The following HECW1 variants were observed in gnomAD, a reference collection of about 807,000 sequenced individuals.
The protein encoded by HECW1 is E3 ubiquitin-protein ligase HECW1.
A neutral mutation model predicts 182.3 loss-of-function variants in HECW1; 61 were observed. The observed-to-expected ratio is 0.33, with a 90% confidence interval of 0.27 to 0.41. The LOEUF (loss-of-function observed/expected upper bound fraction) is 0.41, where lower values mean the gene tolerates loss of function less well. HECW1 is among the 10% of genes least tolerant of loss of function. HECW1 has a pLI of 1.00. For synonymous variants in HECW1, 859 were observed against 832.6 expected, an observed-to-expected ratio of 1.03 and a Z score of -0.55; for missense variants, 1,739 against 2,108.9, an observed-to-expected ratio of 0.82 and a Z score of 3.44.
At chr7:43,355,132 G>C (rs1487876676) in intron 5 of HECW1, among the ~76,000 whole-genome samples, 1 of 151,400 alleles carries the variant, frequency 6.6e-6, no homozygotes, top group Non-Finnish European at 1.5e-5. Flanking sequence ...AAGGCTAAAA[G>C]AATTCACTAC....
chr7:43,411,774 G>T (rs1384090390), intron 8 of HECW1, among the ~76,000 whole-genome samples: 6 of 152,028 alleles, frequency 3.9e-5, no homozygotes, highest in African/African-American at 1.4e-4. Flanking sequence ...CACTAATATA[G>T]CCACTCCAGC....
In HECW1 at chr7:43,112,663, T is replaced by C. The variant is rs968671227; in HGVS notation, c.-541T>C. 1.3e-5 allele frequency: 3 copies of C among 228,954 alleles called. No individual in the cohort carries two copies. The highest frequency in any genetic ancestry group is 2.2e-5 in the African/African-American group (1 of 45,036). The allele number at this position is 228,954 out of a possible 1,614,324, so 14.2% of individuals were successfully genotyped here. On this transcript the variant is annotated 5_prime_UTR_variant, in exon 1 of 30. Transcript: ENST00000395891. The stretch of plus-strand genomic sequence containing the variant: ...CGTTACCGCGCATCAGGCGCTGTTG[T>C]TGGAGCCGGAACACCGTGCGACTCT...
intron 24 of HECW1, among the ~76,000 whole-genome samples, chr7:43,517,179 C>A (rs1369069281): frequency 6.6e-6 from 1 of 152,152 alleles, no homozygotes; most frequent in Non-Finnish European, 1.5e-5. Context: ...TAATCAGTTT[C>A]TCTGCAGCCA....
intron 3 of HECW1, among the ~76,000 whole-genome samples, chr7:43,281,004 T>A (rs1313415577): frequency 1.3e-5 from 2 of 152,246 alleles, no homozygotes; most frequent in African/African-American, 4.8e-5. Flanking sequence ...TCTCCCCCCA[T>A]GAAAATTGGC....
At chr7:43,290,687 A>G (rs1249626773) in intron 3 of HECW1, among the ~76,000 whole-genome samples, 1 of 152,166 alleles carries the variant, frequency 6.6e-6, no homozygotes, top group Non-Finnish European at 1.5e-5. Flanking sequence ...CTTGACAGGG[A>G]CGTCATAACG....
chr7:43,294,220 A>T (rs1805762243), intron 3 of HECW1, among the ~76,000 whole-genome samples: 1 of 152,250 alleles, frequency 6.6e-6, no homozygotes, highest in African/African-American at 2.4e-5. Context: ...AGGGTGCTGC[A>T]TCTCCTAGGA....
chr7:43,305,185 C>T (rs890935818), intron 3 of HECW1, among the ~76,000 whole-genome samples: 4 of 152,134 alleles, frequency 2.6e-5, no homozygotes, highest in African/African-American at 4.8e-5. Context: ...AAGCCTTGTA[C>T]CAGGAATCTG....
At chr7:43,333,594 A>T (rs1386396807) in intron 5 of HECW1, among the ~76,000 whole-genome samples, 2 of 152,230 alleles carry the variant, frequency 1.3e-5, no homozygotes, top group African/African-American at 4.8e-5. Context: ...AGAAGGCTTA[A>T]TAAGTATGTA....
At chr7:43,195,755 TAA>T (rs577246146) in intron 2 of HECW1, among the ~76,000 whole-genome samples, 175 of 152,306 alleles carry the variant, frequency 1.1e-3, no homozygotes, top group African/African-American at 3.8e-3. Flanking sequence ...GCAGGCATAT[TAA>T]AGAGAGAGTT....
chr7:43,332,198 AAAAT>A (rs757716420), intron 5 of HECW1, among the ~76,000 whole-genome samples: 11 of 152,316 alleles, frequency 7.2e-5, no homozygotes, highest in East Asian at 1.9e-4. Flanking sequence ...GATCTCTACA[AAAAT>A]AAATAAATAA....
intron 2 of HECW1, among the ~76,000 whole-genome samples, chr7:43,172,614 TAAAC>T (rs936289763): frequency 6.6e-6 from 1 of 152,048 alleles, no homozygotes; most frequent in African/African-American, 2.4e-5. Flanking sequence ...GTGAGAAAAA[TAAAC>T]AAAAAGACAT....
intron 2 of HECW1, among the ~76,000 whole-genome samples, chr7:43,157,946 C>A (rs1790072979): frequency 6.6e-6 from 1 of 152,174 alleles, no homozygotes; most frequent in African/African-American, 2.4e-5. Flanking sequence ...TGGTCTGAGT[C>A]CTTGCTCCCC....
chr7:43,520,619 TA>T (rs1484185555), intron 24 of HECW1, among the ~76,000 whole-genome samples: 5 of 86,714 alleles, frequency 5.8e-5, no homozygotes, highest in East Asian at 3.1e-4. Flanking sequence ...TCTCTTGAAT[TA>T]TTTTTTTATT....
rs2076565879 is a variant in HECW1 at position 43,432,029 on chromosome 7, C to T, written c.802-5974C>T. 6.6e-6 allele frequency among the ~76,000 whole-genome samples: 1 copy of T among 152,086 alleles called. No homozygotes were observed. The highest frequency in any genetic ancestry group is 1.5e-5 in the Non-Finnish European group (1 of 68,012). On this transcript the variant is annotated intron_variant, in intron 8 of 29. Coordinates refer to ENST00000395891, the MANE Select transcript of HECW1 (RefSeq NM_015052.5). This position sits in a 1 kb window ranked among gnomAD's most constrained non-coding sequence, Gnocchi z 4.1. ...TTTTTAGTAGAGATGGGGGTTTCAC[C>T]ATCTTGGCCAGGCTTGTCTTGAACT...
At chr7:43,545,667 A>G (rs1398790303) in intron 26 of HECW1, among the ~76,000 whole-genome samples, 1 of 152,232 alleles carries the variant, frequency 6.6e-6, no homozygotes, top group Non-Finnish European at 1.5e-5. Flanking sequence ...CAATAAGGAA[A>G]GCTAGAGTAA....
In HECW1 at chr7:43,508,100, A is replaced by G. The variant is rs1189086413; in HGVS notation, c.3835A>G (p.Lys1279Glu). 1.2e-6 allele frequency: 2 copies of G among 1,613,738 alleles called. No homozygotes were observed. The highest frequency in any genetic ancestry group is 1.7e-5 in the Admixed American group (1 of 60,006). Residue 1279 changes from lysine to glutamate, a missense_variant, in exon 23 of 30, where the codon AAG becomes GAG. By Grantham distance (56) the Lys-to-Glu change is moderately conservative. Coordinates refer to ENST00000395891, the MANE Select transcript of HECW1 (RefSeq NM_015052.5). The part of the protein sequence containing the change: ...AYSRKELQRN[K>E]LYVTFVGEEG... Reference sequence around the variant, plus strand: ...TTCGCGGAAAGAGCTCCAGCGAAACAAGCTCTACGTCACCTTTGTTGGAGA... The same window carrying G: ...TTCGCGGAAAGAGCTCCAGCGAAACGAGCTCTACGTCACCTTTGTTGGAGA...
At position 43,432,132 on chromosome 7, in the gene HECW1, G is replaced by A. The variant is rs114966438; in HGVS notation, c.802-5871G>A. 0.014 allele frequency among the ~76,000 whole-genome samples: 1,957 copies of A among 141,904 alleles called. 32 individuals carry two copies. Among genetic ancestry groups the A allele is most frequent in the African/African-American group, 0.051 (1,860 of 36,342 alleles). The allele number at this position is 141,904 out of a possible 152,430, so 93.1% of individuals were successfully genotyped here. On this transcript the variant is annotated intron_variant, in intron 8 of 29. Transcript: ENST00000395891. The surrounding 1 kb of genome is among the most constrained non-coding windows in gnomAD (Gnocchi z 4.1). Reference sequence around the variant, plus strand: ...CATGAGCCACTGCACCCGGCCAGTTGTTTATTTTATTTCTTTTTTTTTTTT... The same window carrying A: ...CATGAGCCACTGCACCCGGCCAGTTATTTATTTTATTTCTTTTTTTTTTTT...
chr7:43,490,017 C>T (rs938778410), intron 17 of HECW1, among the ~76,000 whole-genome samples: 26 of 152,126 alleles, frequency 1.7e-4, no homozygotes, highest in African/African-American at 5.6e-4. Flanking sequence ...TGAACTCTTT[C>T]TAAGTGTCTT....
At chr7:43,290,460 T>C (rs1805259877) in intron 3 of HECW1, among the ~76,000 whole-genome samples, 1 of 152,206 alleles carries the variant, frequency 6.6e-6, no homozygotes, top group Non-Finnish European at 1.5e-5. Context: ...GTTCTGTCTA[T>C]AAAATAGAGG....
Sources: allele counts gnomAD v4.1 joint callset (sites outside exome capture counted in the v4.1 genomes callset), GRCh38; gene constraint gnomAD v4.1.1; non-coding constraint Gnocchi (gnomAD v3.1); transcripts MANE v1.5; gene names NCBI Gene and HGNC (gene_info 2026-07-23, HGNC 2026-07-21).